The following LTBP1 variants were observed in gnomAD, a reference collection of about 807,000 sequenced individuals.
LTBP1 encodes latent transforming growth factor beta binding protein 1.
In LTBP1, 129 loss-of-function variants were observed where a neutral mutation model predicts 207.6. That is an observed-to-expected ratio of 0.62 (90% confidence interval 0.54 to 0.72). The LOEUF (loss-of-function observed/expected upper bound fraction) is 0.72. Among genes scored for constraint, LTBP1 ranks in the 30% least tolerant of loss-of-function variants. The pLI is 0.00. For missense variants in LTBP1, 2,281 were observed against 2,217.2 expected, an observed-to-expected ratio of 1.03 and a Z score of -0.58; for synonymous variants, 963 against 833.7, an observed-to-expected ratio of 1.16 and a Z score of -2.67.
chr2:33,074,686 C>T (rs529504450), intron 3 of LTBP1, among the ~76,000 whole-genome samples: 322 of 151,972 alleles, frequency 2.1e-3, no homozygotes, highest in Non-Finnish European at 4.0e-3. Context: ...CTGGCTAACA[C>T]GGTGAAACCC....
At chr2:33,390,586 C>T (rs1429198351) in intron 32 of LTBP1, among the ~76,000 whole-genome samples, 1 of 151,956 alleles carries the variant, frequency 6.6e-6, no homozygotes, top group African/African-American at 2.4e-5. Flanking sequence ...CTCCTGGGCT[C>T]AAGCGATCCT....
Position 33,398,086 on chromosome 2 carries a change from A to G in LTBP1, c.4985-278A>G, listed in dbSNP as rs145280215. The stretch of plus-strand genomic sequence containing the variant: ...CTATGGGAAGGAATTTGGAAGTAAT[A>G]TAGTTCCTCCAACTTCCTTGAGGTT... On this transcript the variant is annotated intron_variant, in intron 33 of 33. Coordinates refer to ENST00000404816, the MANE Select transcript of LTBP1 (RefSeq NM_206943.4). Among the ~76,000 whole-genome samples the G allele has an allele frequency of 7.4e-4, 113 of 152,308 alleles. 2 individuals carry two copies. Among genetic ancestry groups the G allele is most frequent in the Non-Finnish European group, 1.4e-3 (96 of 68,028 alleles).
chr2:33,245,725 G>T (rs1471385093), intron 10 of LTBP1, among the ~76,000 whole-genome samples: 2 of 152,198 alleles, frequency 1.3e-5, no homozygotes, highest in African/African-American at 4.8e-5. Context: ...TGAATCACAT[G>T]AATAAATATG....
intron 5 of LTBP1, among the ~76,000 whole-genome samples, chr2:33,175,771 T>G (rs1197006252): frequency 6.6e-6 from 1 of 152,054 alleles, no homozygotes; most frequent in African/African-American, 2.4e-5. Flanking sequence ...CCAACAGTGA[T>G]AGACTGGATT....
chr2:33,334,377 T>C (rs912665274), intron 24 of LTBP1, among the ~76,000 whole-genome samples: 1 of 152,224 alleles, frequency 6.6e-6, no homozygotes, highest in African/African-American at 2.4e-5. Flanking sequence ...TTGGACTGTT[T>C]CATTAGGTAA....
At chr2:33,294,276 A>T (rs754579578) in intron 20 of LTBP1, among the ~76,000 whole-genome samples, 49 of 151,978 alleles carry the variant, frequency 3.2e-4, no homozygotes, top group Non-Finnish European at 6.6e-4. Flanking sequence ...GACTCACTGC[A>T]ACCCCTGCCT....
chr2:33,071,712 A>G (rs2077798193), intron 3 of LTBP1, among the ~76,000 whole-genome samples: 1 of 152,222 alleles, frequency 6.6e-6, no homozygotes, highest in Admixed American at 6.5e-5. Context: ...TAGTAGTTAC[A>G]GGCTGTTTTG....
At chr2:33,330,223 C>T (rs2094477561) in intron 24 of LTBP1, among the ~76,000 whole-genome samples, 1 of 151,908 alleles carries the variant, frequency 6.6e-6, no homozygotes, top group Admixed American at 6.6e-5. Context: ...GAACTTGTAT[C>T]CATGACCTTG....
intron 3 of LTBP1, among the ~76,000 whole-genome samples, chr2:33,057,563 G>A (rs2077063862): frequency 6.6e-6 from 1 of 152,240 alleles, no homozygotes; most frequent in Non-Finnish European, 1.5e-5. Flanking sequence ...CAGGTACCGA[G>A]CCCTGCCCCA....
chr2:33,305,784 G>A (rs1480317025), intron 22 of LTBP1, among the ~76,000 whole-genome samples: 2 of 152,162 alleles, frequency 1.3e-5, no homozygotes, highest in African/African-American at 4.8e-5. Context: ...AGGAAAAAGT[G>A]GCAAGTGAAG....
chr2:33,099,984 G>A (rs575518044), intron 3 of LTBP1, among the ~76,000 whole-genome samples: 4 of 152,266 alleles, frequency 2.6e-5, no homozygotes, highest in East Asian at 1.9e-4. Context: ...ATTAGGGTGC[G>A]AGGTGGAGAG....
At chr2:33,285,454 T>TA (rs1009363522) in intron 19 of LTBP1, among the ~76,000 whole-genome samples, 9 of 147,080 alleles carry the variant, frequency 6.1e-5, no homozygotes, top group African/African-American at 2.2e-4. Context: ...TCTTTTTCTT[T>TA]TTTTTTTTTT....
At chr2:33,182,482 G>C (rs1046511977) in intron 5 of LTBP1, among the ~76,000 whole-genome samples, 1 of 151,496 alleles carries the variant, frequency 6.6e-6, no homozygotes, top group Non-Finnish European at 1.5e-5. Flanking sequence ...CTAACACGGT[G>C]AAACCCCATC....
chr2:33,351,697 A>G (rs1185955491), intron 26 of LTBP1, among the ~76,000 whole-genome samples: 1 of 152,150 alleles, frequency 6.6e-6, no homozygotes, highest in Non-Finnish European at 1.5e-5. Flanking sequence ...GTCTCATCCC[A>G]GAGTCGTCTT....
rs149741885 is a variant in LTBP1, at chr2:32,981,839, G to A, written c.565+32894G>A. On this transcript the variant is annotated intron_variant, in intron 2 of 33. Transcript: ENST00000404816. Reference sequence around the variant, plus strand: ...TTTCATGCCTGCTGCCATGTAAGACGTGCTTTTGCTCCTCCTTTGCCTCCC... The same window carrying A: ...TTTCATGCCTGCTGCCATGTAAGACATGCTTTTGCTCCTCCTTTGCCTCCC... Among the ~76,000 whole-genome samples, 14 of 152,282 alleles carry A rather than the reference G, an allele frequency of 9.2e-5. No homozygotes were observed. The East Asian group carries it at 2.1e-3, about 23-fold the overall frequency.
intron 5 of LTBP1, among the ~76,000 whole-genome samples, chr2:33,180,745 C>T (rs1449757910): frequency 1.3e-5 from 2 of 152,034 alleles, no homozygotes; most frequent in Non-Finnish European, 2.9e-5. Flanking sequence ...TGTGAGTCAC[C>T]GTGCCCAGCC....
chr2:33,100,465 G>C lies in LTBP1; in HGVS notation c.864-10117G>C, dbSNP rs17325418. Reference sequence around the variant, plus strand: ...CCAGCTTCTTTTTCCCTCATTCACTGTGGTACCTGACTTTTTTTTTTTCAA... The same window carrying C: ...CCAGCTTCTTTTTCCCTCATTCACTCTGGTACCTGACTTTTTTTTTTTCAA... On this transcript the variant is annotated intron_variant, in intron 3 of 33. Coordinates refer to ENST00000404816, the MANE Select transcript of LTBP1 (RefSeq NM_206943.4). 9.1e-3 allele frequency among the ~76,000 whole-genome samples: 1,376 copies of C among 151,900 alleles called. 17 individuals are homozygous for C. The highest frequency in any genetic ancestry group is 0.012 in the Non-Finnish European group (804 of 67,936).
intron 5 of LTBP1, among the ~76,000 whole-genome samples, chr2:33,163,131 G>A (rs2148180154): frequency 6.6e-6 from 1 of 152,274 alleles, no homozygotes; most frequent in East Asian, 1.9e-4. Flanking sequence ...ACAGGTGCAT[G>A]CCACCACGCC....
At chr2:33,161,353 C>T (rs1441118174) in intron 5 of LTBP1, among the ~76,000 whole-genome samples, 6 of 151,520 alleles carry the variant, frequency 4.0e-5, no homozygotes, top group African/African-American at 1.2e-4. Flanking sequence ...TCCCAACCTC[C>T]ACCTCCCAGG....
Sources: gnomAD v4.1 joint callset for allele counts (sites outside exome capture counted in the v4.1 genomes callset) on GRCh38, gnomAD v4.1.1 for gene constraint, MANE v1.5 for transcripts, NCBI Gene and HGNC (gene_info 2026-07-23, HGNC 2026-07-21) for gene names.